ZFYVE26: variants seen among roughly 807,000 people sequenced by gnomAD.
ZFYVE26 encodes zinc finger FYVE domain-containing protein 26.
Under a neutral mutation model 276.5 loss-of-function variants are expected in ZFYVE26, and 181 were observed. The ratio of observed to expected loss-of-function variants is 0.65; its 90% confidence interval spans 0.58 to 0.74. The LOEUF (loss-of-function observed/expected upper bound fraction) is 0.74. ZFYVE26 is among the 30% of genes least tolerant of loss of function. The probability of loss-of-function intolerance (pLI) is 0.00; values close to 1 mark genes in which losing one functional copy is unlikely to be tolerated. For missense variants in ZFYVE26, 2,821 were observed against 3,097.9 expected (o/e 0.91, Z 2.12); for synonymous variants, 1,129 against 1,203.1 (o/e 0.94, Z 1.27).
chr14:67,741,717 C>A (rs2038416692), downstream of ZFYVE26, among the ~76,000 whole-genome samples: 2 of 152,224 alleles, frequency 1.3e-5, no homozygotes, highest in East Asian at 3.8e-4. Context: ...GGTGTGATAA[C>A]TGTAATACAC....
Position 67,786,261 on chromosome 14 carries a change from G to GAAAA in ZFYVE26, c.3020-29_3020-28insTTTT, listed in dbSNP as rs757797866. The GAAAA allele has an allele frequency of 5.2e-5, 27 of 517,080 alleles. 2 individuals are homozygous for GAAAA. The East Asian group carries it at 6.4e-4, about 12-fold the overall frequency. 32.0% of individuals were successfully genotyped at this position (517,080 alleles called of 1,614,324 possible). On this transcript the variant is annotated intron_variant, in intron 16 of 41. Coordinates refer to ENST00000347230, the MANE Select transcript of ZFYVE26 (RefSeq NM_015346.4). The stretch of plus-strand genomic sequence containing the variant: ...GGAAATAGATGAAGGAAGAGGGAAT[G>GAAAA]CAAAAAAAAAAAATTGAAGTGTTTT...
In ZFYVE26 at chr14:67,809,408, CTTTTTTTTTTTTTTTTT is replaced by C. The variant is rs10580613; in HGVS notation, c.274-136_274-120del. ...TGCTATTTCTCTAAGATGAAGCACT[CTTTTTTTTTTTTTTTTT>C]TTTTTTTTTTATTTTGAGACAGAGT... On this transcript the variant is annotated intron_variant, in intron 3 of 41. Coordinates refer to ENST00000347230, the MANE Select transcript of ZFYVE26 (RefSeq NM_015346.4). 1.9e-5 allele frequency: 4 copies of C among 208,302 alleles called. 1 individual carries two copies. Among genetic ancestry groups the C allele is most frequent in the Non-Finnish European group, 3.2e-5 (4 of 124,290 alleles). 12.9% of individuals were successfully genotyped at this position (208,302 alleles called of 1,614,324 possible). A position where few individuals can be genotyped will look rare whatever the true frequency, so the allele number is the denominator to read the frequency against.
rs1216234871 is a variant in ZFYVE26 at position 67,755,307 on chromosome 14, G to T, written c.6787-57C>A. 3.1e-6 allele frequency: 5 copies of T among 1,589,312 alleles called. No individual in the cohort carries two copies. The African/African-American group carries it at 5.4e-5, about 17-fold the overall frequency. ...GTAGATCAGGGGTTTGGAGGGTGGG[G>T]TGTGATGAGAATTCTCATCTGATTT... On this transcript the variant is annotated intron_variant, in intron 36 of 41. Coordinates refer to ENST00000347230, the MANE Select transcript of ZFYVE26 (RefSeq NM_015346.4).
intron 9 of ZFYVE26, 99 bp from the exon 10 acceptor site, chr14:67,802,381 A>C (rs2040096164): frequency 2.5e-6 from 3 of 1,219,762 alleles, no homozygotes; most frequent in Non-Finnish European, 3.6e-6. Context: ...TTAGAGGTCC[A>C]CTTGTAGGTT....
exon 14 of ZFYVE26, chr14:67,729,564 A>T: frequency 1.5e-6 from 1 of 667,092 alleles, no homozygotes; most frequent in Non-Finnish European, 2.7e-6. Flanking sequence ...ATGTGTTGGG[A>T]AGAGTTGCTT....
Position 67,772,203 on chromosome 14 carries a change from G to C in ZFYVE26, c.5328C>G (p.Ser1776=), listed in dbSNP as rs201033152. ...EFSPAAPPGI[S]SIHSPSLRER... ...CCCTTAGACTAGGGGAATGTATACT[G>C]GAGATACCTGGGAGGCAGAGCCAGA... The change falls in exon 28 of 42, where the codon TCC becomes TCG. Residue 1776 remains serine (S), a synonymous_variant. Transcript: ENST00000347230. 2 of 1,612,736 alleles carry C rather than the reference G, an allele frequency of 1.2e-6. No homozygotes were observed. The highest frequency in any genetic ancestry group is 1.7e-6 in the Non-Finnish European group (2 of 1,179,564).
Position 67,783,286 on chromosome 14 carries a change from T to C in ZFYVE26, c.3866A>G (p.Tyr1289Cys), listed in dbSNP as rs749345969. The change falls in exon 21 of 42, where the codon TAC becomes TGC. Residue 1289 changes from tyrosine (Y) to cysteine (C), a missense_variant. Coordinates refer to ENST00000347230, the MANE Select transcript of ZFYVE26 (RefSeq NM_015346.4). Reference protein sequence around the residue: ...TENPTLERKPYSSPRDSSLPA... With the variant: ...TENPTLERKPCSSPRDSSLPA... ...GAGTGATGAGTCCCTTGGGGAGGAG[T>C]AGGGCTTTCTTTCCAATGTAGGGTT... The C allele has an allele frequency of 1.2e-6, 2 of 1,612,060 alleles. No homozygotes were observed. The highest frequency in any genetic ancestry group is 1.1e-5 in the South Asian group (1 of 91,000).
intron 9 of ZFYVE26, among the ~76,000 whole-genome samples, chr14:67,802,783 GA>G (rs902334571): frequency 7.5e-5 from 11 of 147,224 alleles, no homozygotes; most frequent in South Asian, 2.1e-4. Flanking sequence ...TATCTTTCCA[GA>G]AAAAAAAAAC....
intron 3 of ZFYVE26, among the ~76,000 whole-genome samples, chr14:67,813,747 C>T (rs1164320943): frequency 6.6e-6 from 1 of 152,120 alleles, no homozygotes; most frequent in East Asian, 1.9e-4. Flanking sequence ...CAAAAGTTCT[C>T]TTTAGGCACA....
chr14:67,738,509 A>G (rs1005103207), intron 13 of ZFYVE26, among the ~76,000 whole-genome samples: 8 of 150,964 alleles, frequency 5.3e-5, no homozygotes, highest in African/African-American at 1.9e-4. Context: ...TAAAAAAATA[A>G]TTATACACGT....
intron 30 of ZFYVE26, among the ~76,000 whole-genome samples, chr14:67,768,209 A>C (rs1384139175): frequency 6.6e-6 from 1 of 152,220 alleles, no homozygotes; most frequent in Non-Finnish European, 1.5e-5. Context: ...AGGAGGGAGC[A>C]TGGGGAGGTA....
In ZFYVE26 at chr14:67,755,262, A is replaced by C; in HGVS notation, c.6787-12T>G. 6.2e-7 allele frequency: 1 copy of C among 1,614,068 alleles called. No homozygotes were observed. Among genetic ancestry groups the C allele is most frequent in the East Asian group, 2.2e-5 (1 of 44,876 alleles). Reference sequence around the variant, plus strand: ...GCCCGAACTTGGTCCTAGAAGAGGAAAATAAATGTTCAGGTCAAAGTAGAT... The same window carrying C: ...GCCCGAACTTGGTCCTAGAAGAGGACAATAAATGTTCAGGTCAAAGTAGAT... On this transcript the variant is annotated splice_polypyrimidine_tract_variant and intron_variant, in intron 36 of 41. Coordinates refer to ENST00000347230, the MANE Select transcript of ZFYVE26 (RefSeq NM_015346.4).
At position 67,782,937 on chromosome 14, in the gene ZFYVE26, A is replaced by G. The variant is rs1446643275; in HGVS notation, c.4215T>C (p.His1405=). Residue 1405 remains histidine, a synonymous_variant, in exon 21 of 42, where the codon CAT becomes CAC. Transcript: ENST00000347230. The part of the protein sequence containing the change: ...ASLSTVLLGL[H]SPIALDVLSE... The stretch of plus-strand genomic sequence containing the variant: ...TCAGTACATCTAGGGCAATGGGAGA[A>G]TGTAGGCCCAGGAGAACGGTAGAAA... The G allele has an allele frequency of 2.5e-6, 4 of 1,614,092 alleles. No homozygotes were observed. Among genetic ancestry groups the G allele is most frequent in the East Asian group, 2.2e-5 (1 of 44,892 alleles).
In ZFYVE26 at chr14:67,790,584, C is replaced by T. The variant is rs1037045653; in HGVS notation, c.2743G>A (p.Ala915Thr). The T allele has an allele frequency of 2.5e-6, 4 of 1,613,448 alleles. No individual in the cohort carries two copies. The highest frequency in any genetic ancestry group is 1.3e-5 in the African/African-American group (1 of 74,922). Residue 915 changes from alanine to threonine, a missense_variant, in exon 15 of 42, where the codon GCT becomes ACT. Transcript: ENST00000347230. The part of the protein sequence containing the change: ...GRSTLQAIGS[A>T]AAAGMVFYSI... Reference sequence around the variant, plus strand: ...AGGGAAGCCTGACCTGCTGCTGCAGCGCTGCCAATGGCCTGTAGAGTTGAG... The same window carrying T: ...AGGGAAGCCTGACCTGCTGCTGCAGTGCTGCCAATGGCCTGTAGAGTTGAG...
intron 3 of ZFYVE26, 75 bp downstream of exon 3, chr14:67,813,911 A>G: frequency 9.6e-7 from 1 of 1,037,660 alleles, no homozygotes; most frequent in Non-Finnish European, 1.5e-6. Flanking sequence ...AACAGACAGA[A>G]GGGAAATCCC....
In ZFYVE26 at chr14:67,782,777, C is replaced by T; in HGVS notation, c.4372+3G>A. The T allele has an allele frequency of 6.2e-7, 1 of 1,614,156 alleles. No individual in the cohort carries two copies. The highest frequency in any genetic ancestry group is 8.5e-7 in the Non-Finnish European group (1 of 1,180,034). On this transcript the variant is annotated splice_donor_region_variant and intron_variant, in intron 21 of 41. Coordinates refer to ENST00000347230, the MANE Select transcript of ZFYVE26 (RefSeq NM_015346.4). Reference sequence around the variant, plus strand: ...AAAAAGGGAGGCATAGCATTCTGCTCACCACATGCCACAGCACAGCTCAGG... The same window carrying T: ...AAAAAGGGAGGCATAGCATTCTGCTTACCACATGCCACAGCACAGCTCAGG...
chr14:67,750,610 G>T (rs1334951203), intron 41 of ZFYVE26: 1 of 225,060 alleles, frequency 4.4e-6, no homozygotes, highest in African/African-American at 2.3e-5. Flanking sequence ...CCGAGACATT[G>T]TTGGACATTG....
intron 3 of ZFYVE26, 119 bp from the exon 4 acceptor site, chr14:67,809,408 C>CTTTTTT (rs10580613): frequency 1.8e-4 from 38 of 213,468 alleles, no homozygotes; most frequent in African/African-American, 1.2e-3. Flanking sequence ...ATGAAGCACT[C>CTTTTTT]TTTTTTTTTT....
intron 22 of ZFYVE26, 114 bp from the exon 23 acceptor site, chr14:67,780,459 C>A (rs910814463): frequency 1.2e-5 from 11 of 945,702 alleles, no homozygotes; most frequent in African/African-American, 8.1e-5. Flanking sequence ...CAAAGTCAGG[C>A]TGTCAGAACT....
Sources: gnomAD v4.1 joint callset for allele counts (sites outside exome capture counted in the v4.1 genomes callset) on GRCh38, gnomAD v4.1.1 for gene constraint, MANE v1.5 for transcripts, NCBI Gene and HGNC (gene_info 2026-07-23, HGNC 2026-07-21) for gene names.